ATXN1: variants seen among roughly 807,000 people sequenced by gnomAD.
ATXN1 encodes ataxin 1, also known as ataxin-1.
In ATXN1, 8 loss-of-function variants were observed where a neutral mutation model predicts 56.4. The observed-to-expected ratio is 0.14, with a 90% CI of 0.08 to 0.26. The LOEUF is 0.26. Ranked by LOEUF, ATXN1 falls within the 10% of genes least tolerant of loss-of-function variation. The pLI is 1.00. For synonymous variants in ATXN1, 514 were observed against 494.6 expected, an observed-to-expected ratio of 1.04 and a Z score of -0.52; for missense variants, 987 against 1,106.5, an observed-to-expected ratio of 0.89 and a Z score of 1.53.
intron 6 of ATXN1, among the ~76,000 whole-genome samples, chr6:16,473,346 G>T (rs1018690984): frequency 6.6e-6 from 1 of 152,146 alleles, no homozygotes; most frequent in African/African-American, 2.4e-5. Context: ...CACTCTTGGC[G>T]ACTTGAATTT....
intron 5 of ATXN1, among the ~76,000 whole-genome samples, chr6:16,496,764 C>G (rs1394468464): frequency 6.6e-6 from 1 of 152,082 alleles, no homozygotes; most frequent in East Asian, 1.9e-4. Context: ...AGTTTCCTAC[C>G]TCTCTTTAAG....
intron 6 of ATXN1, among the ~76,000 whole-genome samples, chr6:16,470,245 A>G (rs1445793237): frequency 2.0e-5 from 3 of 152,156 alleles, no homozygotes; most frequent in Non-Finnish European, 2.9e-5. Flanking sequence ...CAAATACTAC[A>G]TGATTCCACT....
chr6:16,343,262 G>A (rs769967021), intron 6 of ATXN1, among the ~76,000 whole-genome samples: 6 of 152,134 alleles, frequency 3.9e-5, no homozygotes, highest in Admixed American at 2.0e-4. Flanking sequence ...GGAGAATGGC[G>A]TGAACCTGGG....
intron 3 of ATXN1, among the ~76,000 whole-genome samples, chr6:16,640,614 C>T (rs558977022): frequency 4.0e-5 from 6 of 151,014 alleles, no homozygotes; most frequent in Admixed American, 4.0e-4. Flanking sequence ...ACCCGGGAGG[C>T]GGAGCTTGCA....
At chr6:16,608,208 T>C (rs1487928789) in intron 3 of ATXN1, among the ~76,000 whole-genome samples, 1 of 152,202 alleles carries the variant, frequency 6.6e-6, no homozygotes, top group Non-Finnish European at 1.5e-5. Context: ...ACAAACCTGC[T>C]CTACATCTGT....
chr6:16,751,883 T>C (rs997725924), intron 2 of ATXN1, among the ~76,000 whole-genome samples: 1 of 152,220 alleles, frequency 6.6e-6, no homozygotes, highest in African/African-American at 2.4e-5. Flanking sequence ...ACCCACAGTA[T>C]ATCTACTATT....
chr6:16,440,451 A>G (rs1376922203), intron 6 of ATXN1, among the ~76,000 whole-genome samples: 1 of 151,710 alleles, frequency 6.6e-6, no homozygotes. Flanking sequence ...AAAAGAAAAA[A>G]AAAAAACCAT....
At chr6:16,569,242 G>A (rs1343931344) in intron 4 of ATXN1, among the ~76,000 whole-genome samples, 1 of 152,164 alleles carries the variant, frequency 6.6e-6, no homozygotes, top group African/African-American at 2.4e-5. Flanking sequence ...CTGGCCTGGC[G>A]TGGTGGTGGC....
At chr6:16,606,630 G>C (rs542534795) in intron 3 of ATXN1, among the ~76,000 whole-genome samples, 27 of 151,978 alleles carry the variant, frequency 1.8e-4, no homozygotes, top group African/African-American at 6.3e-4. Context: ...CTGGGTTCAA[G>C]TGATTCTCCT....
intron 2 of ATXN1, among the ~76,000 whole-genome samples, chr6:16,674,981 A>G (rs1450193656): frequency 6.6e-6 from 1 of 152,220 alleles, no homozygotes; most frequent in Non-Finnish European, 1.5e-5. Context: ...ACAAAGCAGT[A>G]AACTGGAAAC....
intron 2 of ATXN1, among the ~76,000 whole-genome samples, chr6:16,748,064 G>C (rs902864148): frequency 1.3e-5 from 2 of 152,190 alleles, no homozygotes; most frequent in African/African-American, 4.8e-5. Flanking sequence ...GACTCTTGAT[G>C]CTGAATAACA....
intron 7 of ATXN1, among the ~76,000 whole-genome samples, chr6:16,308,707 A>T (rs1223137417): frequency 6.6e-6 from 1 of 152,094 alleles, no homozygotes; most frequent in Non-Finnish European, 1.5e-5. Flanking sequence ...AATTACTTTC[A>T]CAATTTTGCA....
intron 6 of ATXN1, among the ~76,000 whole-genome samples, chr6:16,377,789 A>G (rs964701069): frequency 6.6e-6 from 1 of 152,264 alleles, no homozygotes; most frequent in Non-Finnish European, 1.5e-5. Flanking sequence ...GAAGGGCAGC[A>G]TTTGCATAAA....
intron 6 of ATXN1, among the ~76,000 whole-genome samples, chr6:16,449,307 C>T (rs1333497510): frequency 1.3e-5 from 2 of 152,080 alleles, no homozygotes; most frequent in Non-Finnish European, 2.9e-5. Flanking sequence ...AATAAATAAA[C>T]ATGTAGTATA....
chr6:16,516,566 T>C (rs1197933638), intron 5 of ATXN1, among the ~76,000 whole-genome samples: 1 of 152,208 alleles, frequency 6.6e-6, no homozygotes, highest in Non-Finnish European at 1.5e-5. Flanking sequence ...GGAGGACAGT[T>C]GTCCTGGAGA....
At position 16,359,641 on chromosome 6, in the gene ATXN1, G is replaced by A. The variant is rs544880920; in HGVS notation, c.-160-31171C>T. ...CTGAGAGCTGAACACTCAATGGGAC[G>A]ATCTGCTTATAGAGAGGAGCTCCCC... On this transcript the variant is annotated intron_variant, in intron 6 of 7. Transcript: ENST00000436367. Among the ~76,000 whole-genome samples the A allele has an allele frequency of 4.6e-5, 7 of 152,162 alleles. No individual in the cohort carries two copies. In the South Asian group the frequency reaches 8.3e-4, roughly 18 times the overall value.
At chr6:16,466,664 A>T (rs1581782708) in intron 6 of ATXN1, among the ~76,000 whole-genome samples, 1 of 152,260 alleles carries the variant, frequency 6.6e-6, no homozygotes, top group East Asian at 1.9e-4. Context: ...ATCAAGCACG[A>T]TTCTATTTCT....
intron 2 of ATXN1, among the ~76,000 whole-genome samples, chr6:16,661,216 A>G (rs1758313743): frequency 6.6e-6 from 1 of 152,126 alleles, no homozygotes; most frequent in Non-Finnish European, 1.5e-5. Context: ...ATCTTACACC[A>G]TATGGAAAAT....
At chr6:16,601,501 T>C (rs1368422311) in intron 3 of ATXN1, among the ~76,000 whole-genome samples, 1 of 152,132 alleles carries the variant, frequency 6.6e-6, no homozygotes, top group Admixed American at 6.5e-5. Flanking sequence ...ATGCATCTAT[T>C]TTCTATTCTG....
Sources: allele counts gnomAD v4.1 joint callset (sites outside exome capture counted in the v4.1 genomes callset), GRCh38; gene constraint gnomAD v4.1.1; transcripts MANE v1.5; gene names NCBI Gene and HGNC (gene_info 2026-07-23, HGNC 2026-07-21).